ELMO1: variants seen among roughly 807,000 people sequenced by gnomAD.
The protein encoded by ELMO1 is engulfment and cell motility 1.
ELMO1 carries 26 observed loss-of-function variants against 98.9 expected under a neutral mutation model. The observed-to-expected ratio is 0.26, with a 90% CI of 0.19 to 0.36. The LOEUF (loss-of-function observed/expected upper bound fraction) is 0.36, where lower values mean the gene tolerates loss of function less well. Ranked by LOEUF, ELMO1 falls within the 10% of genes least tolerant of loss-of-function variation. The pLI is 1.00. For missense variants in ELMO1, 627 were observed against 935.2 expected, an observed-to-expected ratio of 0.67 and a Z score of 4.30; for synonymous variants, 346 against 346.0, an observed-to-expected ratio of 1.00 and a Z score of 0.00.
chr7:37,126,478 A>C (rs1414874420), intron 14 of ELMO1, among the ~76,000 whole-genome samples: 1 of 151,980 alleles, frequency 6.6e-6, no homozygotes, highest in East Asian at 1.9e-4. Context: ...TCACTGGGAA[A>C]GGGGGCAAGC....
intron 5 of ELMO1, chr7:37,270,657 T>G (rs962980888): frequency 3.3e-5 from 5 of 152,034 alleles, no homozygotes; most frequent in Non-Finnish European, 5.9e-5. Flanking sequence ...ACCTAAAGTA[T>G]CTCCAAGCAA....
intron 16 of ELMO1, among the ~76,000 whole-genome samples, chr7:36,973,637 T>C (rs530675168): frequency 3.3e-5 from 5 of 152,324 alleles, no homozygotes; most frequent in East Asian, 3.9e-4. Flanking sequence ...GGGCTCCCAC[T>C]TTGGCGGCAC....
intron 19 of ELMO1, among the ~76,000 whole-genome samples, chr7:36,874,552 C>A (rs1337729459): frequency 6.6e-6 from 1 of 152,200 alleles, no homozygotes; most frequent in East Asian, 1.9e-4. Flanking sequence ...GATGGAGAGA[C>A]CTGAATTATT....
At chr7:37,050,794 A>C (rs1336572997) in intron 15 of ELMO1, among the ~76,000 whole-genome samples, 2 of 150,594 alleles carry the variant, frequency 1.3e-5, no homozygotes, top group African/African-American at 2.5e-5. Context: ...TATTTGATAG[A>C]TGTAGAAGCC....
rs369003306 is a variant in ELMO1, at chr7:37,304,598, C to T, written c.192+10252G>A. Reference sequence around the variant, plus strand: ...GGGTGTGGTGGCGTGCGCCTGTAATCCCAGCTACTCAGGAAGCTGAGGCAG... The same window carrying T: ...GGGTGTGGTGGCGTGCGCCTGTAATTCCAGCTACTCAGGAAGCTGAGGCAG... On this transcript the variant is annotated intron_variant, in intron 4 of 21. Transcript: ENST00000310758. Among the ~76,000 whole-genome samples the T allele has an allele frequency of 8.5e-5, 13 of 152,276 alleles. No homozygotes were observed. In the East Asian group the frequency reaches 1.7e-3, roughly 20 times the overall value.
intron 13 of ELMO1, among the ~76,000 whole-genome samples, chr7:37,194,888 CT>C (rs1791869306): frequency 6.6e-6 from 1 of 152,176 alleles, no homozygotes; most frequent in South Asian, 2.1e-4. Flanking sequence ...GTAAAGGTGT[CT>C]CCTTTCTTGA....
chr7:36,894,346 G>A (rs1293956095), intron 17 of ELMO1, among the ~76,000 whole-genome samples: 1 of 152,174 alleles, frequency 6.6e-6, no homozygotes, highest in Admixed American at 6.5e-5. Flanking sequence ...CATATAGCAT[G>A]CTCCGATGCC....
At chr7:36,898,214 A>C (rs1456736534) in intron 16 of ELMO1, among the ~76,000 whole-genome samples, 2 of 152,252 alleles carry the variant, frequency 1.3e-5, no homozygotes, top group Non-Finnish European at 2.9e-5. Flanking sequence ...TCACAAATCA[A>C]GACATTCACA....
At chr7:37,208,661 G>A (rs1429216395) in intron 13 of ELMO1, among the ~76,000 whole-genome samples, 2 of 152,130 alleles carry the variant, frequency 1.3e-5, no homozygotes, top group African/African-American at 4.8e-5. Context: ...GTCTCTAGGT[G>A]GTGCAATGAC....
At chr7:37,412,164 A>G (rs2131500455) in intron 1 of ELMO1, among the ~76,000 whole-genome samples, 1 of 152,348 alleles carries the variant, frequency 6.6e-6, no homozygotes, top group South Asian at 2.1e-4. Context: ...ATATTTTGCA[A>G]AACAACATGA....
chr7:37,225,029 A>C lies in ELMO1; in HGVS notation c.551T>G (p.Ile184Arg). The change falls in exon 9 of 22, where the codon ATA (isoleucine) becomes AGA (arginine). Residue 184 changes from isoleucine (I) to arginine (R), a missense_variant and splice_region_variant. Around this residue, in one of 3 missense-constraint regions of ELMO1, gnomAD observed 492 missense variants for 715.6 expected, o/e 0.69. Transcript: ENST00000310758. ...GGCTGACTTGTTCACAAAACTTGCT[A>C]TCTGAAAATCCAAGTGGGACACAAT... ...DTFSVAFIKK[I>R]ASFVNKSAID... The C allele has an allele frequency of 6.2e-7, 1 of 1,614,048 alleles. No individual in the cohort carries two copies. The highest frequency in any genetic ancestry group is 8.5e-7 in the Non-Finnish European group (1 of 1,179,942).
chr7:37,136,259 C>A (rs1787256052), intron 13 of ELMO1, among the ~76,000 whole-genome samples: 1 of 152,026 alleles, frequency 6.6e-6, no homozygotes. Flanking sequence ...ATTGGTGTTC[C>A]TAAGGAAAAA....
intron 13 of ELMO1, among the ~76,000 whole-genome samples, chr7:37,139,771 C>T (rs1274147619): frequency 5.3e-5 from 8 of 151,942 alleles, no homozygotes; most frequent in Admixed American, 4.6e-4. Flanking sequence ...CAAGACTAAA[C>T]AAAAAGAACA....
rs1021633587 is a variant in ELMO1 at position 37,171,714 on chromosome 7, G to A, written c.1087-38480C>T. ...TCACCATGTTAGCCAGGATGGTCTC[G>A]ATCTCCTGACCTCGTGATCTGCCCA... On this transcript the variant is annotated intron_variant, in intron 13 of 21. Coordinates refer to ENST00000310758, the MANE Select transcript of ELMO1 (RefSeq NM_014800.11). Among the ~76,000 whole-genome samples, 7 of 151,760 alleles carry A rather than the reference G, an allele frequency of 4.6e-5. No individual in the cohort carries two copies. In the South Asian group the frequency reaches 6.2e-4, roughly 14 times the overall value.
intron 13 of ELMO1, among the ~76,000 whole-genome samples, chr7:37,195,684 G>A (rs1350917839): frequency 6.6e-6 from 1 of 152,174 alleles, no homozygotes; most frequent in Non-Finnish European, 1.5e-5. Context: ...AGCTGGCGTG[G>A]CTCTTCTCCT....
chr7:37,169,049 C>A (rs578226476), intron 13 of ELMO1, among the ~76,000 whole-genome samples: 6,407 of 152,142 alleles, frequency 0.042, 229 homozygotes, highest in South Asian at 0.16. Flanking sequence ...CAATGGCGGG[C>A]ACCCCTCCCC....
chr7:37,305,108 C>T (rs1458961052), intron 4 of ELMO1, among the ~76,000 whole-genome samples: 1 of 152,106 alleles, frequency 6.6e-6, no homozygotes, highest in Non-Finnish European at 1.5e-5. Context: ...ATGCTGCTCC[C>T]ACAGAGCCAA....
chr7:36,937,939 G>A (rs778895494), intron 16 of ELMO1, among the ~76,000 whole-genome samples: 2 of 152,206 alleles, frequency 1.3e-5, no homozygotes, highest in Non-Finnish European at 2.9e-5. Context: ...ACAGAACTCA[G>A]GCTGAGAAAC....
At chr7:37,422,058 A>G (rs1359675299) in intron 1 of ELMO1, among the ~76,000 whole-genome samples, 1 of 152,204 alleles carries the variant, frequency 6.6e-6, no homozygotes, top group African/African-American at 2.4e-5. Flanking sequence ...CAACTCAGAT[A>G]TTTGTGGTCT....
Sources: gnomAD v4.1 joint callset for allele counts (sites outside exome capture counted in the v4.1 genomes callset) on GRCh38, gnomAD v4.1.1 for gene constraint, gnomAD v4.1.1 regional missense constraint, MANE v1.5 for transcripts, NCBI Gene and HGNC (gene_info 2026-07-23, HGNC 2026-07-21) for gene names.